Variants in LEKR1 observed in about 807,000 individuals in gnomAD.
LEKR1 encodes leucine, glutamate and lysine rich 1, also known as protein LEKR1.
In LEKR1, 59 loss-of-function variants were observed where a neutral mutation model predicts 72.4. The observed-to-expected ratio is 0.82, with a 90% CI of 0.66 to 1.01. LEKR1 has a LOEUF of 1.01. Ranked by LOEUF, LEKR1 falls within the 50% of genes least tolerant of loss-of-function variation. LEKR1 has a pLI of 0.00. For missense variants in LEKR1, 728 were observed against 759.2 expected, an observed-to-expected ratio of 0.96 and a Z score of 0.48; for synonymous variants, 257 against 263.2, an observed-to-expected ratio of 0.98 and a Z score of 0.23.
At position 156,880,495 on chromosome 3, in the gene LEKR1, G is replaced by T. The variant is rs968784717; in HGVS notation, c.263+27513G>T. Among the ~76,000 whole-genome samples, 29 of 152,336 alleles carry T rather than the reference G, an allele frequency of 1.9e-4. No individual in the cohort carries two copies. In the East Asian group the frequency reaches 4.6e-3, roughly 24 times the overall value. ...TAGACCAATAACAGGAGCTGAAATT[G>T]TGGCAATAATCAATAGCTTACCAAC... On this transcript the variant is annotated intron_variant, in intron 3 of 12. Coordinates refer to ENST00000356539, the MANE Select transcript of LEKR1 (RefSeq NM_001004316.3).
At chr3:156,894,664 A>G (rs543436574) in intron 3 of LEKR1, among the ~76,000 whole-genome samples, 1 of 152,346 alleles carries the variant, frequency 6.6e-6, no homozygotes, top group South Asian at 2.1e-4. Flanking sequence ...TACAGTAATC[A>G]AAACAGCATG....
intron 11 of LEKR1, among the ~76,000 whole-genome samples, chr3:157,025,764 G>A (rs1232944678): frequency 6.6e-6 from 1 of 152,004 alleles, no homozygotes; most frequent in Non-Finnish European, 1.5e-5. Flanking sequence ...GGTGGCTCAT[G>A]CCTATAATCC....
intron 9 of LEKR1, among the ~76,000 whole-genome samples, chr3:157,008,935 A>G (rs561874756): frequency 4.7e-4 from 71 of 152,230 alleles, no homozygotes; most frequent in Admixed American, 1.1e-3. Flanking sequence ...GCCTTATTCC[A>G]TTCATTTTGA....
At chr3:157,022,223 A>G (rs1733895244) in intron 10 of LEKR1, among the ~76,000 whole-genome samples, 2 of 152,194 alleles carry the variant, frequency 1.3e-5, no homozygotes, top group South Asian at 4.1e-4. Context: ...AAGGTGTCAT[A>G]TGGGCTAGTA....
chr3:156,962,877 C>G (rs1043262220), intron 6 of LEKR1, among the ~76,000 whole-genome samples: 1 of 152,144 alleles, frequency 6.6e-6, no homozygotes, highest in Non-Finnish European at 1.5e-5. Flanking sequence ...ACATCATTTT[C>G]TTATTCTAAG....
At chr3:156,918,585 C>G (rs1723883626) in intron 3 of LEKR1, among the ~76,000 whole-genome samples, 1 of 151,914 alleles carries the variant, frequency 6.6e-6, no homozygotes, top group Non-Finnish European at 1.5e-5. Context: ...AACTGATTAC[C>G]AATGCATTTG....
chr3:156,914,260 C>T (rs867975450), intron 3 of LEKR1, among the ~76,000 whole-genome samples: 1 of 151,886 alleles, frequency 6.6e-6, no homozygotes, highest in African/African-American at 2.4e-5. Flanking sequence ...GTTTGCTGCA[C>T]CCATCAACCC....
At chr3:156,937,961 C>T (rs1332317476) in intron 5 of LEKR1, among the ~76,000 whole-genome samples, 1 of 152,048 alleles carries the variant, frequency 6.6e-6, no homozygotes, top group Non-Finnish European at 1.5e-5. Context: ...CTTGAAATAA[C>T]AAAATTATAA....
At chr3:156,888,311 G>A (rs777338797) in intron 3 of LEKR1, 2 of 702,024 alleles carry the variant, frequency 2.8e-6, no homozygotes, top group African/African-American at 3.5e-5. Flanking sequence ...ATATACTTCA[G>A]ACTCATGCTT....
intron 2 of LEKR1, among the ~76,000 whole-genome samples, chr3:156,842,154 A>G (rs1714000893): frequency 6.6e-6 from 1 of 152,190 alleles, no homozygotes; most frequent in Non-Finnish European, 1.5e-5. Context: ...TCTGGTGCCA[A>G]AAAAATTGGG....
intron 12 of LEKR1, among the ~76,000 whole-genome samples, chr3:157,030,375 C>G (rs921787255): frequency 1.3e-5 from 2 of 152,130 alleles, no homozygotes; most frequent in African/African-American, 4.8e-5. Context: ...ATCTGGGTGC[C>G]AGGCACGTGT....
intron 12 of LEKR1, among the ~76,000 whole-genome samples, chr3:157,036,619 A>T (rs1421492301): frequency 1.3e-5 from 2 of 152,210 alleles, no homozygotes; most frequent in East Asian, 3.8e-4. Context: ...AAAGGAGAAA[A>T]TATAGGAATC....
intron 4 of LEKR1, chr3:156,924,717 A>G: frequency 2.4e-6 from 1 of 413,572 alleles, no homozygotes. Flanking sequence ...ATTTTTCCTT[A>G]TTGAATTGCC....
chr3:156,932,951 A>G (rs1725381108), intron 5 of LEKR1, among the ~76,000 whole-genome samples: 1 of 150,514 alleles, frequency 6.6e-6, no homozygotes, highest in African/African-American at 2.4e-5. Flanking sequence ...AATGGCGTGA[A>G]CCCGGGAGGC....
rs191653216 is a variant in LEKR1 at position 156,935,707 on chromosome 3, C to T, written c.560-6822C>T. Among the ~76,000 whole-genome samples, 1,231 of 152,262 alleles carry T rather than the reference C, an allele frequency of 8.1e-3. 10 individuals are homozygous for T. The highest frequency in any genetic ancestry group is 0.012 in the Non-Finnish European group (825 of 68,006). ...GGAGCCTAAGAAGCATGCAGACCTTCGCTTTCCCATAGGTTAGCCACCAAC... is the reference window on the plus strand; with the variant it reads ...GGAGCCTAAGAAGCATGCAGACCTTTGCTTTCCCATAGGTTAGCCACCAAC... On this transcript the variant is annotated intron_variant, in intron 5 of 12. Transcript: ENST00000356539.
At chr3:156,965,176 C>T (rs1353216417) in intron 6 of LEKR1, among the ~76,000 whole-genome samples, 1 of 151,972 alleles carries the variant, frequency 6.6e-6, no homozygotes, top group African/African-American at 2.4e-5. Context: ...TTCATTTTGC[C>T]AGTCTAGATA....
At chr3:156,829,186 C>A in intron 1 of LEKR1, 100 bp from the exon 2 acceptor site, 1 of 574,288 alleles carries the variant, frequency 1.7e-6, no homozygotes, top group Non-Finnish European at 3.1e-6. Context: ...AAACAGTTAT[C>A]ACCATTCATC....
At chr3:156,847,818 A>G (rs1447749136) in intron 2 of LEKR1, among the ~76,000 whole-genome samples, 2 of 152,180 alleles carry the variant, frequency 1.3e-5, no homozygotes, top group African/African-American at 2.4e-5. Context: ...AATGAATATC[A>G]TGTTTTCTCT....
intron 3 of LEKR1, chr3:156,853,294 A>C (rs1354679641): frequency 5.6e-6 from 1 of 180,142 alleles, no homozygotes; most frequent in East Asian, 1.3e-4. Context: ...ATCAAAAATC[A>C]GATTAATTTT....
Sources: gnomAD v4.1 joint callset for allele counts (sites outside exome capture counted in the v4.1 genomes callset) on GRCh38, gnomAD v4.1.1 for gene constraint, MANE v1.5 for transcripts, NCBI Gene and HGNC (gene_info 2026-07-23, HGNC 2026-07-21) for gene names.